Variants in ANKRD50 observed in about 807,000 individuals in gnomAD.
ANKRD50 encodes ankyrin repeat domain 50.
In ANKRD50, 40 loss-of-function variants were observed where a neutral mutation model predicts 112.0. The ratio of observed to expected loss-of-function variants is 0.36; its 90% CI spans 0.28 to 0.46. The LOEUF is 0.46. Among genes scored for constraint, ANKRD50 ranks in the 20% least tolerant of loss-of-function variants. ANKRD50 has a pLI of 1.00. For missense variants in ANKRD50, 1,487 were observed against 1,701.7 expected, an observed-to-expected ratio of 0.87 and a Z score of 2.22; for synonymous variants, 613 against 619.1, an observed-to-expected ratio of 0.99 and a Z score of 0.15.
Position 124,669,518 on chromosome 4 carries a change from A to G in ANKRD50, c.3759T>C (p.Phe1253=), listed in dbSNP as rs112459806. 5 of 1,612,606 alleles carry G rather than the reference A, an allele frequency of 3.1e-6. No homozygotes were observed. In the South Asian group the frequency reaches 5.5e-5, roughly 18 times the overall value. ...AACTGGGCTTTACTTGACTCCACTCAAATTCACTACTTGGTGAATTATGAC... is the reference window on the plus strand; with the variant it reads ...AACTGGGCTTTACTTGACTCCACTCGAATTCACTACTTGGTGAATTATGAC... The part of the protein sequence containing the change: ...GQSHNSPSSE[F]EWSQVKPSLK... Residue 1253 remains phenylalanine, a synonymous_variant, in exon 4 of 5, where the codon TTT becomes TTC. Transcript: ENST00000504087.
Position 124,669,720 on chromosome 4 carries a change from C to T in ANKRD50, c.3557G>A (p.Ser1186Asn), listed in dbSNP as rs989679537. The change falls in exon 4 of 5, where the codon AGC becomes AAC. Residue 1186 changes from serine (S) to asparagine (N), a missense_variant. Ser to Asn is a conservative substitution (Grantham distance 46). Around this residue, in one of 2 missense-constraint regions of ANKRD50, gnomAD observed 441 missense variants for 432.2 expected, o/e 1.02. Transcript: ENST00000504087. ...AGTTCTCAAAGATGAATTTTTTGAGCTTTTCAGGGAATTATTTGACAGTGA... is the reference window on the plus strand; with the variant it reads ...AGTTCTCAAAGATGAATTTTTTGAGTTTTTCAGGGAATTATTTGACAGTGA... ...KSSLSNNSLK[S>N]SKNSSLRTTS... 3 of 1,612,968 alleles carry T rather than the reference C, an allele frequency of 1.9e-6. No homozygotes were observed. The African/African-American group carries it at 4.0e-5, about 22-fold the overall frequency.
chr4:124,675,376 A>G (rs557383996), intron 3 of ANKRD50, among the ~76,000 whole-genome samples: 136 of 151,904 alleles, frequency 9.0e-4, no homozygotes, highest in Admixed American at 3.5e-3. Context: ...AGGATAAGCA[A>G]TACGAAAATA....
intron 1 of ANKRD50, among the ~76,000 whole-genome samples, chr4:124,712,081 A>G (rs553243763): frequency 6.6e-6 from 1 of 151,986 alleles, no homozygotes; most frequent in African/African-American, 2.4e-5. Flanking sequence ...GCCACAGGGG[A>G]GCCACCTCAG....
intron 2 of ANKRD50, among the ~76,000 whole-genome samples, chr4:124,697,846 TG>T (rs747436334): frequency 1.4e-4 from 22 of 151,970 alleles, no homozygotes; most frequent in Non-Finnish European, 2.9e-4. Context: ...GGGTGGAGGA[TG>T]GGCAGCAGGA....
rs776274367 is a variant in ANKRD50, at chr4:124,664,837, C to T, written c.*2681G>A. On this transcript the variant is annotated 3_prime_UTR_variant, in exon 5 of 5. Coordinates refer to ENST00000504087, the MANE Select transcript of ANKRD50 (RefSeq NM_020337.3). ...AAATTATTGGCTGTACTTTGCAGTA[C>T]GCACTGATTTCAGGTCATTTTTCCT... 3.3e-5 allele frequency: 5 copies of T among 151,872 alleles called. No individual in the cohort carries two copies. The highest frequency in any genetic ancestry group is 1.2e-4 in the African/African-American group (5 of 41,374). 9.4% of individuals were successfully genotyped at this position (151,872 alleles called of 1,614,324 possible).
chr4:124,705,354 T>C (rs1481937748), intron 2 of ANKRD50, among the ~76,000 whole-genome samples: 1 of 152,216 alleles, frequency 6.6e-6, no homozygotes, highest in Non-Finnish European at 1.5e-5. Flanking sequence ...GTTATTCATC[T>C]TTAATTCTTT....
In ANKRD50 at chr4:124,666,428, G is replaced by A. The variant is rs762873648; in HGVS notation, c.*1090C>T. 3 of 152,318 alleles carry A rather than the reference G, an allele frequency of 2.0e-5. No homozygotes were observed. The highest frequency in any genetic ancestry group is 4.4e-5 in the Non-Finnish European group (3 of 67,918). The allele number at this position is 152,318 out of a possible 1,614,324, so 9.4% of individuals were successfully genotyped here. A position where few individuals can be genotyped will look rare whatever the true frequency, so the allele number is the denominator to read the frequency against. On this transcript the variant is annotated 3_prime_UTR_variant, in exon 5 of 5. Coordinates refer to ENST00000504087, the MANE Select transcript of ANKRD50 (RefSeq NM_020337.3). ...AGGGGAGTGGTGTCATCTGTGAAGG[G>A]CAGCACATTTTATATTCATCCAGAA...
rs781534263 is a variant in ANKRD50, at chr4:124,670,542, T to C, written c.2735A>G (p.Asp912Gly). Residue 912 changes from aspartate to glycine, a missense_variant, in exon 4 of 5, where the codon GAT becomes GGT. By Grantham distance (94) the Asp-to-Gly change is moderately conservative. Coordinates refer to ENST00000504087, the MANE Select transcript of ANKRD50 (RefSeq NM_020337.3). ...NKSNIDQRGY[D>G]GRNALRVAAL... ...AGCAACCCGCAGTGCATTTCTTCCA[T>C]CATAACCTCTTTGATCAATGTTGGA... The C allele has an allele frequency of 1.9e-6, 3 of 1,613,240 alleles. No individual in the cohort carries two copies. The highest frequency in any genetic ancestry group is 2.7e-5 in the African/African-American group (2 of 74,860).
chr4:124,669,973 C>T lies in ANKRD50; in HGVS notation c.3304G>A (p.Ala1102Thr), dbSNP rs756447459. 6 of 1,610,878 alleles carry T rather than the reference C, an allele frequency of 3.7e-6. No individual in the cohort carries two copies. Among genetic ancestry groups the T allele is most frequent in the Non-Finnish European group, 5.1e-6 (6 of 1,179,270 alleles). The change falls in exon 4 of 5, where the codon GCA (alanine) becomes ACA (threonine). Residue 1102 changes from alanine (A) to threonine (T), a missense_variant. Coordinates refer to ENST00000504087, the MANE Select transcript of ANKRD50 (RefSeq NM_020337.3). ...QIIKLLEKYG[A>T]SSLNGCSPSP... ...GGGGAACAGCCATTCAAACTAGATG[C>T]ACCATATTTTTCTAATAATTTAATT...
intron 2 of ANKRD50, among the ~76,000 whole-genome samples, chr4:124,697,886 G>A (rs1338399588): frequency 2.0e-5 from 3 of 152,050 alleles, no homozygotes; most frequent in Non-Finnish European, 4.4e-5. Context: ...TTTCTGCTGC[G>A]TTGAAGATTG....
At chr4:124,704,404 A>T (rs1036563592) in intron 2 of ANKRD50, among the ~76,000 whole-genome samples, 2 of 152,186 alleles carry the variant, frequency 1.3e-5, no homozygotes, top group Non-Finnish European at 1.5e-5. Context: ...AGTGCCAAAA[A>T]TCCTTGGAGC....
chr4:124,706,310 C>T (rs569221796), intron 2 of ANKRD50, among the ~76,000 whole-genome samples: 11 of 152,076 alleles, frequency 7.2e-5, no homozygotes, highest in Admixed American at 6.5e-4. Flanking sequence ...GAAGAAATTT[C>T]GTGACAACTA....
rs1337560486 is a variant in ANKRD50, at chr4:124,678,723, A to G, written c.695T>C (p.Leu232Pro). ...CTTACTCTGCTTTCGGGCAGAACAG[A>G]GAAGCAATAGCCATGGTGGAAAGAA... ...HEFFPPWLLL[L>P]CSARKQSKAV... Residue 232 changes from leucine to proline, a missense_variant, in exon 3 of 5, where the codon CTC becomes CCC. Leu to Pro is a moderately conservative substitution (Grantham distance 98). Transcript: ENST00000504087. 1 of 1,613,920 alleles carries G rather than the reference A, an allele frequency of 6.2e-7. No individual in the cohort carries two copies. Among genetic ancestry groups the G allele is most frequent in the South Asian group, 1.1e-5 (1 of 91,076 alleles).
chr4:124,707,854 T>C (rs1056828381), intron 2 of ANKRD50, among the ~76,000 whole-genome samples: 5 of 152,114 alleles, frequency 3.3e-5, no homozygotes, highest in Non-Finnish European at 5.9e-5. Context: ...AAAGAAACAA[T>C]TGAATAAAAG....
intron 2 of ANKRD50, among the ~76,000 whole-genome samples, chr4:124,684,783 T>C (rs1233691262): frequency 2.6e-5 from 4 of 152,206 alleles, no homozygotes; most frequent in Non-Finnish European, 4.4e-5. Context: ...CCAGTACTAT[T>C]TAAAATGGTC....
Position 124,710,804 on chromosome 4 carries a change from A to AACTG in ANKRD50, c.-297_-294dup, listed in dbSNP as rs1725612604. On this transcript the variant is annotated 5_prime_UTR_variant, in exon 2 of 5. Coordinates refer to ENST00000504087, the MANE Select transcript of ANKRD50 (RefSeq NM_020337.3). ...ATGAGTCACATAACTCCATGGTTAT[A>AACTG]ACTGGAGTTTATGTGATTGTGGATG... 2.2e-6 allele frequency: 1 copy of AACTG among 463,078 alleles called. No homozygotes were observed. The highest frequency in any genetic ancestry group is 3.7e-5 in the Admixed American group (1 of 27,118). 28.7% of individuals were successfully genotyped at this position (463,078 alleles called of 1,614,324 possible).
intron 2 of ANKRD50, among the ~76,000 whole-genome samples, chr4:124,707,596 G>A (rs1025768548): frequency 2.0e-5 from 3 of 152,072 alleles, no homozygotes; most frequent in African/African-American, 7.2e-5. Flanking sequence ...CTTTAACGAT[G>A]AAGAAAGAAA....
At chr4:124,694,827 T>A (rs920116376) in intron 2 of ANKRD50, among the ~76,000 whole-genome samples, 22 of 151,850 alleles carry the variant, frequency 1.4e-4, no homozygotes, top group African/African-American at 5.1e-4. Flanking sequence ...AGGCAATCAA[T>A]AACAATTAGA....
Position 124,670,358 on chromosome 4 carries a change from T to C in ANKRD50, c.2919A>G (p.Glu973=). The stretch of plus-strand genomic sequence containing the variant: ...CTGTCCTTCCTTCAGCATCACTTGC[T>C]TCTACGTTTGCACCATTTTCTAAAA... The part of the protein sequence containing the change: ...EYFLENGANV[E]ASDAEGRTAL... The change falls in exon 4 of 5, where the codon GAA becomes GAG. Residue 973 remains glutamate (E), a synonymous_variant. Coordinates refer to ENST00000504087, the MANE Select transcript of ANKRD50 (RefSeq NM_020337.3). The C allele has an allele frequency of 1.2e-6, 2 of 1,613,968 alleles. No individual in the cohort carries two copies. Among genetic ancestry groups the C allele is most frequent in the Non-Finnish European group, 1.7e-6 (2 of 1,179,920 alleles).
Sources: allele counts gnomAD v4.1 joint callset (sites outside exome capture counted in the v4.1 genomes callset), GRCh38; gene constraint gnomAD v4.1.1; regional missense constraint gnomAD v4.1.1; transcripts MANE v1.5; gene names NCBI Gene and HGNC (gene_info 2026-07-23, HGNC 2026-07-21).